The following JAML variants were observed in gnomAD, a reference collection of about 807,000 sequenced individuals.
JAML encodes the protein junction adhesion molecule like, also known as junctional adhesion molecule-like.
In JAML, 25 loss-of-function variants were observed where a neutral mutation model predicts 39.3. That is an observed-to-expected ratio of 0.64 (90% confidence interval 0.46 to 0.89). The LOEUF is 0.89. Among genes scored for constraint, JAML ranks in the 40% least tolerant of loss-of-function variants. The probability of loss-of-function intolerance (pLI) is 0.00; values close to 1 mark genes in which losing one functional copy is unlikely to be tolerated. For missense variants in JAML, 440 were observed against 486.9 expected, an observed-to-expected ratio of 0.90 and a Z score of 0.91; for synonymous variants, 162 against 179.2, an observed-to-expected ratio of 0.90 and a Z score of 0.77.
In JAML at chr11:118,222,596, T is replaced by A. The variant is rs1488304102; in HGVS notation, c.-21+2345A>T. ...AAATCAAACATTTTATCAGAAAAAA[T>A]TGAAACTTTAATCTCTTTTAGGTCA... On this transcript the variant is annotated intron_variant, in intron 1 of 9. Coordinates refer to ENST00000356289, the MANE Select transcript of JAML (RefSeq NM_001098526.2). The surrounding 1 kb of genome is among the most constrained non-coding windows in gnomAD (Gnocchi z 4.2). 6.6e-6 allele frequency among the ~76,000 whole-genome samples: 1 copy of A among 152,136 alleles called. No individual in the cohort carries two copies. The highest frequency in any genetic ancestry group is 1.9e-4 in the East Asian group (1 of 5,202).
intron 4 of JAML, chr11:118,209,055 C>T: frequency 4.0e-6 from 1 of 247,158 alleles, no homozygotes; most frequent in South Asian, 6.0e-5. Flanking sequence ...AGCTTTTGGG[C>T]TAACTGGTTG....
chr11:118,208,896 T>G (rs1301011596), intron 4 of JAML: 1 of 154,374 alleles, frequency 6.5e-6, no homozygotes, highest in African/African-American at 2.4e-5. Context: ...GGAATCAGTG[T>G]CTTCACATGA....
intron 7 of JAML, among the ~76,000 whole-genome samples, chr11:118,199,693 ATTTTTT>A (rs34379845): frequency 9.3e-6 from 1 of 107,120 alleles, no homozygotes; most frequent in African/African-American, 3.7e-5. Context: ...TATTATTATT[ATTTTTT>A]TTTTTTTTTT....
Position 118,194,207 on chromosome 11 carries a change from C to G in JAML, c.*118G>C. Reference sequence around the variant, plus strand: ...CTCCATCTTCAGTGTATTGACCAAACAATGAGACAGGAGGACAGCTGGGAG... The same window carrying G: ...CTCCATCTTCAGTGTATTGACCAAAGAATGAGACAGGAGGACAGCTGGGAG... On this transcript the variant is annotated 3_prime_UTR_variant, in exon 10 of 10. Coordinates refer to ENST00000356289, the MANE Select transcript of JAML (RefSeq NM_001098526.2). 1 of 894,612 alleles carries G rather than the reference C, an allele frequency of 1.1e-6. No individual in the cohort carries two copies. The allele number at this position is 894,612 out of a possible 1,614,324, so 55.4% of individuals were successfully genotyped here.
intron 7 of JAML, among the ~76,000 whole-genome samples, chr11:118,198,708 A>G (rs1948714332): frequency 6.6e-6 from 1 of 150,918 alleles, no homozygotes; most frequent in Non-Finnish European, 1.5e-5. Flanking sequence ...GGTTTAAGCT[A>G]GAAAAGAAAC....
chr11:118,199,333 C>T (rs1022753355), intron 7 of JAML, among the ~76,000 whole-genome samples: 1 of 152,164 alleles, frequency 6.6e-6, no homozygotes, highest in Non-Finnish European at 1.5e-5. Flanking sequence ...TCCGAGCATG[C>T]CCAGAGCAAA....
chr11:118,210,989 T>C (rs1025325279), intron 3 of JAML, among the ~76,000 whole-genome samples: 4 of 152,248 alleles, frequency 2.6e-5, no homozygotes, highest in Non-Finnish European at 5.9e-5. Flanking sequence ...AAGATCACTC[T>C]ACGGTTTTTA....
chr11:118,220,888 GAGGACAGA>G (rs1949203256), intron 1 of JAML, among the ~76,000 whole-genome samples: 1 of 152,206 alleles, frequency 6.6e-6, no homozygotes, highest in South Asian at 2.1e-4. Flanking sequence ...GAAAGACCCT[GAGGACAGA>G]ATTCTAGCCC....
intron 9 of JAML, among the ~76,000 whole-genome samples, chr11:118,195,696 T>C (rs1948638519): frequency 6.6e-6 from 1 of 152,142 alleles, no homozygotes; most frequent in Non-Finnish European, 1.5e-5. Context: ...TGAGAAGGTA[T>C]AATAAGTCAC....
At chr11:118,194,535 G>A (rs1251727815) in intron 9 of JAML, 118 bp from the exon 10 acceptor site, 4 of 756,728 alleles carry the variant, frequency 5.3e-6, no homozygotes, top group Non-Finnish European at 9.1e-6. Flanking sequence ...AATTTCATAT[G>A]CATTATCTCA....
Position 118,212,821 on chromosome 11 carries a change from T to C in JAML, c.44-260A>G, listed in dbSNP as rs1334003644. ...TCCTATCCAGCCCCTTACACTTTTC[T>C]GGAATTCTTCCTCCCAACCTTTCTA... On this transcript the variant is annotated intron_variant, in intron 2 of 9. Coordinates refer to ENST00000356289, the MANE Select transcript of JAML (RefSeq NM_001098526.2). 5.0e-6 allele frequency: 8 copies of C among 1,613,128 alleles called. No individual in the cohort carries two copies. The Admixed American group carries it at 6.7e-5, about 14-fold the overall frequency.
At chr11:118,198,142 A>G (rs1288714931) in intron 7 of JAML, 51 bp from the exon 8 acceptor site, 1 of 1,490,464 alleles carries the variant, frequency 6.7e-7, no homozygotes, top group Non-Finnish European at 9.4e-7. Context: ...TGGTTTATTC[A>G]AGGGTCCCTA....
intron 1 of JAML, among the ~76,000 whole-genome samples, chr11:118,223,241 A>G (rs1189128154): frequency 3.9e-5 from 6 of 152,164 alleles, no homozygotes; most frequent in Admixed American, 3.3e-4. Flanking sequence ...TAGTTTTTCC[A>G]TAGGTCGAAC....
In JAML at chr11:118,222,541, G is replaced by A. The variant is rs1807925342; in HGVS notation, c.-21+2400C>T. On this transcript the variant is annotated intron_variant, in intron 1 of 9. Coordinates refer to ENST00000356289, the MANE Select transcript of JAML (RefSeq NM_001098526.2). The surrounding 1 kb of genome is among the most constrained non-coding windows in gnomAD (Gnocchi z 4.2). ...TTGTATGTATAGTATTTATATAAAA[G>A]AGCTCTAATTAATTGGCTTAAAGAA... Among the ~76,000 whole-genome samples the A allele has an allele frequency of 2.0e-5, 3 of 152,130 alleles. No homozygotes were observed. The highest frequency in any genetic ancestry group is 7.2e-5 in the African/African-American group (3 of 41,412).
intron 1 of JAML, among the ~76,000 whole-genome samples, chr11:118,221,143 C>T (rs911331646): frequency 1.3e-5 from 2 of 152,142 alleles, no homozygotes; most frequent in African/African-American, 4.8e-5. Context: ...ATTCAGTCAC[C>T]ATTGGAACTG....
At chr11:118,194,500 T>A (rs1385875709) in intron 9 of JAML, 83 bp from the exon 10 acceptor site, 1 of 1,077,660 alleles carries the variant, frequency 9.3e-7, no homozygotes, top group African/African-American at 1.6e-5. Flanking sequence ...CATTGAGCTC[T>A]TCTCATGAGC....
At chr11:118,199,695 T>TATTA (rs1387731797) in intron 7 of JAML, among the ~76,000 whole-genome samples, 2 of 34,900 alleles carry the variant, frequency 5.7e-5, no homozygotes, top group Admixed American at 2.9e-4. Context: ...TTATTATTAT[T>TATTA]TTTTTTTTTT....
intron 9 of JAML, among the ~76,000 whole-genome samples, chr11:118,194,673 AG>A (rs1377559150): frequency 6.6e-6 from 1 of 152,208 alleles, no homozygotes; most frequent in Non-Finnish European, 1.5e-5. Flanking sequence ...ATTTGGACCC[AG>A]GTCTGTCTAA....
rs1300745073 is a variant in JAML, at chr11:118,198,100, C to T, written c.912-9G>A. 1.2e-6 allele frequency: 2 copies of T among 1,611,044 alleles called. No homozygotes were observed. Among genetic ancestry groups the T allele is most frequent in the Admixed American group, 3.3e-5 (2 of 59,988 alleles). ...CTGTAGAATTCACTGAACTGCAAGACATGAAAAGCATGTGGAATTAACCAG... is the reference window on the plus strand; with the variant it reads ...CTGTAGAATTCACTGAACTGCAAGATATGAAAAGCATGTGGAATTAACCAG... On this transcript the variant is annotated splice_polypyrimidine_tract_variant and intron_variant, in intron 7 of 9. Transcript: ENST00000356289.
Sources: gnomAD v4.1 joint callset for allele counts (sites outside exome capture counted in the v4.1 genomes callset) on GRCh38, gnomAD v4.1.1 for gene constraint, Gnocchi (gnomAD v3.1) non-coding constraint, MANE v1.5 for transcripts, NCBI Gene and HGNC (gene_info 2026-07-23, HGNC 2026-07-21) for gene names.